The following ITIH5 variants were observed in gnomAD, a reference collection of about 807,000 sequenced individuals.
ITIH5 encodes inter-alpha-trypsin inhibitor heavy chain H5.
A neutral mutation model predicts 77.5 loss-of-function variants in ITIH5; 65 were observed. That is an observed-to-expected ratio of 0.84 (90% confidence interval 0.69 to 1.03). The LOEUF is 1.03. ITIH5 is among the 50% of genes least tolerant of loss of function. ITIH5 has a pLI of 0.00. For missense variants in ITIH5, 1,208 were observed against 1,213.1 expected, an observed-to-expected ratio of 1.00 and a Z score of 0.06; for synonymous variants, 525 against 494.3, an observed-to-expected ratio of 1.06 and a Z score of -0.82.
chr10:7,612,398 G>C (rs368317994), intron 7 of ITIH5, among the ~76,000 whole-genome samples: 9 of 152,300 alleles, frequency 5.9e-5, no homozygotes, highest in South Asian at 2.1e-4. Context: ...GTATTGGACA[G>C]CACAGGTGTA....
intron 2 of ITIH5, among the ~76,000 whole-genome samples, chr10:7,642,406 G>A (rs773556547): frequency 3.3e-5 from 5 of 152,024 alleles, no homozygotes; most frequent in African/African-American, 4.8e-5. Context: ...TTCAATCATC[G>A]GAATTTTAGA....
Position 7,561,318 on chromosome 10 carries a change from A to AG in ITIH5, c.*1764dup, listed in dbSNP as rs1370736491. 3 of 152,254 alleles carry AG rather than the reference A, an allele frequency of 2.0e-5. No individual in the cohort carries two copies. The highest frequency in any genetic ancestry group is 4.4e-5 in the Non-Finnish European group (3 of 68,060). The allele number at this position is 152,254 out of a possible 1,614,324, so 9.4% of individuals were successfully genotyped here. A position where few individuals can be genotyped will look rare whatever the true frequency, so the allele number is the denominator to read the frequency against. ...CAGATCACTGCTCCAAGTGCTCCAC[A>AG]GGGGACAGGGCCACCTGGCTCCAGG... On this transcript the variant is annotated 3_prime_UTR_variant, in exon 14 of 14. Coordinates refer to ENST00000397146, the MANE Select transcript of ITIH5 (RefSeq NM_030569.7).
intron 4 of ITIH5, 139 bp from the exon 5 acceptor site, chr10:7,637,617 G>C (rs1833823833): frequency 1.1e-5 from 9 of 822,660 alleles, no homozygotes; most frequent in Non-Finnish European, 1.7e-5. Context: ...TGGGTCCTGA[G>C]AAAGGAAAAA....
At chr10:7,586,271 C>A (rs192849615) in intron 7 of ITIH5, among the ~76,000 whole-genome samples, 23 of 152,284 alleles carry the variant, frequency 1.5e-4, no homozygotes, top group Non-Finnish European at 2.6e-4. Flanking sequence ...GTTGTAGACA[C>A]GAGTGAATCA....
intron 7 of ITIH5, among the ~76,000 whole-genome samples, chr10:7,600,204 AG>A (rs1203562456): frequency 1.3e-5 from 2 of 152,312 alleles, no homozygotes; most frequent in Non-Finnish European, 2.9e-5. Context: ...CCAGTCATAA[AG>A]GGGGTAGGTT....
At chr10:7,622,832 G>A (rs1833495722) in intron 5 of ITIH5, among the ~76,000 whole-genome samples, 1 of 152,136 alleles carries the variant, frequency 6.6e-6, no homozygotes, top group Non-Finnish European at 1.5e-5. Flanking sequence ...CTGAAGAAAG[G>A]ATGCATTGAT....
chr10:7,656,592 AT>A (rs1298259459), intron 1 of ITIH5, among the ~76,000 whole-genome samples: 1 of 152,170 alleles, frequency 6.6e-6, no homozygotes, highest in Admixed American at 6.5e-5. Flanking sequence ...GTCTTAGCTG[AT>A]TATATGGATG....
At position 7,559,441 on chromosome 10, in the gene ITIH5, A is replaced by AACTG. The variant is rs140564993; in HGVS notation, c.*3641_*3642insCAGT. ...GTCTCGTACCCCACTAATTATTTAA[A>AACTG]ACTAAAATAAATATTTAAAGCTACA... On this transcript the variant is annotated 3_prime_UTR_variant, in exon 14 of 14. Transcript: ENST00000397146. The AACTG allele has an allele frequency of 0.14, 21,298 of 154,706 alleles. 1,717 individuals are homozygous for AACTG. Among genetic ancestry groups the AACTG allele is most frequent in the African/African-American group, 0.23 (9,502 of 41,472 alleles). 9.6% of individuals were successfully genotyped at this position (154,706 alleles called of 1,614,324 possible). A position where few individuals can be genotyped will look rare whatever the true frequency, so the allele number is the denominator to read the frequency against.
rs138071524 is a variant in ITIH5 at position 7,590,702 on chromosome 10, C to A, written c.940-4633G>T. Among the ~76,000 whole-genome samples, 273 of 152,324 alleles carry A rather than the reference C, an allele frequency of 1.8e-3. 1 individual carries two copies. The highest frequency in any genetic ancestry group is 3.3e-3 in the Non-Finnish European group (224 of 68,040). ...ATATCTGAGCAGCGCTGCTGGGAAG[C>A]TCATTATCCCCACGTCTTTGTGCCC... On this transcript the variant is annotated intron_variant, in intron 7 of 13. Transcript: ENST00000397146.
intron 2 of ITIH5, among the ~76,000 whole-genome samples, chr10:7,651,745 C>T (rs1390234904): frequency 1.3e-5 from 2 of 152,304 alleles, no homozygotes; most frequent in East Asian, 3.9e-4. Flanking sequence ...TAAACCTCCT[C>T]AGCCTACCTA....
At chr10:7,632,058 C>T (rs1833722436) in intron 5 of ITIH5, among the ~76,000 whole-genome samples, 1 of 151,756 alleles carries the variant, frequency 6.6e-6, no homozygotes, top group South Asian at 2.1e-4. Flanking sequence ...CTTGCCCTTC[C>T]AAAATACTGG....
At chr10:7,639,182 A>G (rs1447387084) in intron 4 of ITIH5, among the ~76,000 whole-genome samples, 1 of 152,232 alleles carries the variant, frequency 6.6e-6, no homozygotes, top group African/African-American at 2.4e-5. Context: ...CAGAGGCACG[A>G]TGAGGCAACT....
At chr10:7,579,091 C>T (rs768929049) in intron 9 of ITIH5, among the ~76,000 whole-genome samples, 9 of 152,234 alleles carry the variant, frequency 5.9e-5, no homozygotes, top group Non-Finnish European at 1.3e-4. Context: ...ACTATGAGAG[C>T]TCATTAAATA....
chr10:7,652,585 T>A (rs563594117), intron 2 of ITIH5, among the ~76,000 whole-genome samples: 1 of 152,286 alleles, frequency 6.6e-6, no homozygotes, highest in East Asian at 1.9e-4. Context: ...TCTAAGAAAT[T>A]TCTAAGAAAA....
chr10:7,656,630 A>C (rs982968401), intron 1 of ITIH5, among the ~76,000 whole-genome samples: 2 of 152,198 alleles, frequency 1.3e-5, no homozygotes, highest in Non-Finnish European at 2.9e-5. Flanking sequence ...TCATTAACTA[A>C]TAGAAGTGTA....
rs748293294 is a variant in ITIH5, at chr10:7,629,348, AGC to A, written c.652+7878_652+7879del. ...ATGTTGTAGCGTGTGCCCATGTTGT[AGC>A]GTGTGTCCCTGTTGTAGCGTGTGTC... On this transcript the variant is annotated intron_variant, in intron 5 of 13. Coordinates refer to ENST00000397146, the MANE Select transcript of ITIH5 (RefSeq NM_030569.7). Among the ~76,000 whole-genome samples, 7 of 79,652 alleles carry A rather than the reference AGC, an allele frequency of 8.8e-5. 1 individual carries two copies. The highest frequency in any genetic ancestry group is 1.6e-4 in the Non-Finnish European group (7 of 42,768). 52.3% of individuals were successfully genotyped at this position (79,652 alleles called of 152,430 possible).
intron 1 of ITIH5, among the ~76,000 whole-genome samples, chr10:7,659,436 G>T (rs2131113562): frequency 6.6e-6 from 1 of 151,874 alleles, no homozygotes. Context: ...AATGAGGTGA[G>T]ATGCACAAGA....
At chr10:7,631,941 C>A (rs1833719827) in intron 5 of ITIH5, among the ~76,000 whole-genome samples, 1 of 150,524 alleles carries the variant, frequency 6.6e-6, no homozygotes, top group South Asian at 2.1e-4. Context: ...CATGGGCCAC[C>A]ACGCCTAGCT....
intron 5 of ITIH5, chr10:7,620,020 T>A (rs1833447790): frequency 6.6e-6 from 1 of 151,886 alleles, no homozygotes. Flanking sequence ...CTACTAAAAA[T>A]ACAAAAAATT....
Sources: allele counts gnomAD v4.1 joint callset (sites outside exome capture counted in the v4.1 genomes callset), GRCh38; gene constraint gnomAD v4.1.1; transcripts MANE v1.5; gene names NCBI Gene and HGNC (gene_info 2026-07-23, HGNC 2026-07-21).